ERN2: variants seen among roughly 807,000 people sequenced by gnomAD.
ERN2 encodes endoplasmic reticulum to nucleus signaling 2.
A neutral mutation model predicts 107.9 loss-of-function variants in ERN2; 111 were observed. The ratio of observed to expected loss-of-function variants is 1.03; its 90% CI spans 0.88 to 1.20. The LOEUF is 1.20. ERN2 is among the 50% of genes most tolerant of loss of function. The pLI, the probability that ERN2 is intolerant of heterozygous loss-of-function variation, is 0.00. For synonymous variants in ERN2, 524 were observed against 501.7 expected (o/e 1.04, Z -0.59); for missense variants, 1,225 against 1,197.9 (o/e 1.02, Z -0.33).
rs751356508 is a variant in ERN2 at position 23,702,115 on chromosome 16, C to T, written c.1203+37G>A. Reference sequence around the variant, plus strand: ...GGGCTATTCCCCCCATCTGCTGGGGCCTCCCTACCCCCACTCTCTCCCCTC... The same window carrying T: ...GGGCTATTCCCCCCATCTGCTGGGGTCTCCCTACCCCCACTCTCTCCCCTC... On this transcript the variant is annotated intron_variant, in intron 11 of 21. Coordinates refer to ENST00000256797, the MANE Select transcript of ERN2 (RefSeq NM_033266.4). 6 of 1,589,076 alleles carry T rather than the reference C, an allele frequency of 3.8e-6. 1 individual carries two copies. Among genetic ancestry groups the T allele is most frequent in the East Asian group, 2.2e-5 (1 of 44,780 alleles).
intron 13 of ERN2, chr16:23,697,206 AT>A (rs1959866685): frequency 1.3e-5 from 2 of 149,012 alleles, no homozygotes; most frequent in Admixed American, 1.3e-4. Flanking sequence ...AATAATAATA[AT>A]AATAATAAAA....
intron 11 of ERN2, 99 bp downstream of exon 11, chr16:23,702,053 C>T (rs1011911949): frequency 3.0e-5 from 39 of 1,284,344 alleles, no homozygotes; most frequent in Admixed American, 9.1e-5. Context: ...GACCCACCCC[C>T]GAGTGTTATT....
chr16:23,691,225 C>T lies in ERN2; in HGVS notation c.2501-29G>A, dbSNP rs747431425. The T allele has an allele frequency of 1.7e-5, 28 of 1,613,628 alleles. No individual in the cohort carries two copies. In the South Asian group the frequency reaches 2.0e-4, roughly 11 times the overall value. ...TGGACAGGGAATTCAGTGGCAAAACCGTCCCTGCTAGACTCCCCTCCACCG... is the reference window on the plus strand; with the variant it reads ...TGGACAGGGAATTCAGTGGCAAAACTGTCCCTGCTAGACTCCCCTCCACCG... On this transcript the variant is annotated intron_variant, in intron 20 of 21. Coordinates refer to ENST00000256797, the MANE Select transcript of ERN2 (RefSeq NM_033266.4).
At chr16:23,699,913 A>G (rs1351463726) in intron 13 of ERN2, among the ~76,000 whole-genome samples, 4 of 152,224 alleles carry the variant, frequency 2.6e-5, no homozygotes, top group Admixed American at 6.5e-5. Context: ...GAGATGATGT[A>G]ATGAACTGGA....
intron 1 of ERN2, 77 bp downstream of exon 1, chr16:23,713,018 C>T: frequency 8.4e-7 from 1 of 1,189,670 alleles, no homozygotes; most frequent in Non-Finnish European, 1.1e-6. Flanking sequence ...CCGCCGCGCC[C>T]TCGCCCCAAG....
rs765445838 is a variant in ERN2 at position 23,706,869 on chromosome 16, G to T, written c.380-8C>A. On this transcript the variant is annotated splice_polypyrimidine_tract_variant and splice_region_variant and intron_variant, in intron 5 of 21. Coordinates refer to ENST00000256797, the MANE Select transcript of ERN2 (RefSeq NM_033266.4). ...AGGCATCCTGCTTCCGGCCTGTGGA[G>T]GTGGAAAGTGTGTTAGCTCTCAAGT... is the stretch of plus-strand genomic sequence containing the variant. 1.9e-6 allele frequency: 3 copies of T among 1,610,224 alleles called. No individual in the cohort carries two copies. The highest frequency in any genetic ancestry group is 2.5e-6 in the Non-Finnish European group (3 of 1,176,522).
At chr16:23,711,515 C>A (rs1960539636) in intron 1 of ERN2, among the ~76,000 whole-genome samples, 1 of 151,000 alleles carries the variant, frequency 6.6e-6, no homozygotes, top group Admixed American at 6.6e-5. Flanking sequence ...TGTCATCACA[C>A]CTGGCTAATT....
chr16:23,701,399 G>C (rs567360566), intron 11 of ERN2, among the ~76,000 whole-genome samples: 1 of 152,306 alleles, frequency 6.6e-6, no homozygotes, highest in South Asian at 2.1e-4. Context: ...GATCCTAAAC[G>C]CGTTAGCGCT....
rs1229834700 is a variant in ERN2 at position 23,691,428 on chromosome 16, G to A, written c.2377-3C>T. On this transcript the variant is annotated splice_polypyrimidine_tract_variant and splice_region_variant and intron_variant, in intron 19 of 21. Coordinates refer to ENST00000256797, the MANE Select transcript of ERN2 (RefSeq NM_033266.4). ...TTCTCCAGCCAGTCACTGACGTCCTGGGGCCCAGAGAGCTCCTGAGCCTTG... is the reference window on the plus strand; with the variant it reads ...TTCTCCAGCCAGTCACTGACGTCCTAGGGCCCAGAGAGCTCCTGAGCCTTG... 6.3e-7 allele frequency: 1 copy of A among 1,598,282 alleles called. No homozygotes were observed. The highest frequency in any genetic ancestry group is 1.1e-5 in the South Asian group (1 of 90,780).
Position 23,710,121 on chromosome 16 carries a change from C to A in ERN2, c.306+51G>T, listed in dbSNP as rs375164270. On this transcript the variant is annotated intron_variant, in intron 4 of 21. Transcript: ENST00000256797. The stretch of plus-strand genomic sequence containing the variant: ...GCCTCTCCACCTCTCAGTGCTCCAG[C>A]TGACGAAAGCCCTGGCTCTCACCCA... 3 of 1,291,804 alleles carry A rather than the reference C, an allele frequency of 2.3e-6. No homozygotes were observed. The African/African-American group carries it at 4.4e-5, about 19-fold the overall frequency. The allele number at this position is 1,291,804 out of a possible 1,614,324, so 80.0% of individuals were successfully genotyped here. A position where few individuals can be genotyped will look rare whatever the true frequency, so the allele number is the denominator to read the frequency against.
At position 23,704,005 on chromosome 16, in the gene ERN2, A is replaced by G. The variant is rs370196964; in HGVS notation, c.854+878T>C. 7.1e-4 allele frequency among the ~76,000 whole-genome samples: 108 copies of G among 152,148 alleles called. 4 individuals carry two copies. In the East Asian group the frequency reaches 0.017, roughly 23 times the overall value. On this transcript the variant is annotated intron_variant, in intron 8 of 21. Transcript: ENST00000256797. ...CTGAGGCAGGAACAATGGCTGGGTT[A>G]TTTGCTATTGTACTCCCAGACTCTA...
chr16:23,711,024 AG>A lies in ERN2; in HGVS notation c.94-7del, dbSNP rs758360514. ...TCTGGCCTGAGAGTATGAACCTGCA[AG>A]GGGGTAGAGACAAAGTCAGCTCTCT... On this transcript the variant is annotated splice_region_variant and splice_polypyrimidine_tract_variant and intron_variant, in intron 1 of 21. Coordinates refer to ENST00000256797, the MANE Select transcript of ERN2 (RefSeq NM_033266.4). 1 of 1,604,550 alleles carries A rather than the reference AG, an allele frequency of 6.2e-7. No homozygotes were observed. The highest frequency in any genetic ancestry group is 1.3e-5 in the African/African-American group (1 of 74,734).
chr16:23,697,783 G>A (rs1959890402), intron 13 of ERN2, among the ~76,000 whole-genome samples: 1 of 152,012 alleles, frequency 6.6e-6, no homozygotes, highest in Admixed American at 6.5e-5. Context: ...TAGAAACAGG[G>A]GCTCACTCTG....
chr16:23,694,656 G>A, intron 17 of ERN2, 72 bp downstream of exon 17: 1 of 1,312,948 alleles, frequency 7.6e-7, no homozygotes, highest in South Asian at 1.4e-5. Context: ...CTCAGGAGGG[G>A]AACTGGGACA....
rs530630080 is a variant in ERN2 at position 23,709,658 on chromosome 16, C to A, written c.306+514G>T. ...TGCTAGGGATAAGAGACATATGGCCCAGCCACCTCTGCCAAAAGCCAACCA... is the reference window on the plus strand; with the variant it reads ...TGCTAGGGATAAGAGACATATGGCCAAGCCACCTCTGCCAAAAGCCAACCA... On this transcript the variant is annotated intron_variant, in intron 4 of 21. Coordinates refer to ENST00000256797, the MANE Select transcript of ERN2 (RefSeq NM_033266.4). 22 of 180,158 alleles carry A rather than the reference C, an allele frequency of 1.2e-4. No homozygotes were observed. The East Asian group carries it at 2.8e-3, about 23-fold the overall frequency. The allele number at this position is 180,158 out of a possible 1,614,324, so 11.2% of individuals were successfully genotyped here.
intron 13 of ERN2, among the ~76,000 whole-genome samples, chr16:23,697,982 T>C (rs1730928082): frequency 6.6e-6 from 1 of 152,160 alleles, no homozygotes. Flanking sequence ...CAGGCTGGGC[T>C]CAAGCAATCC....
At chr16:23,693,304 G>T (rs1189549898) in intron 17 of ERN2, among the ~76,000 whole-genome samples, 1 of 151,736 alleles carries the variant, frequency 6.6e-6, no homozygotes, top group Admixed American at 6.6e-5. Context: ...TATATATATA[G>T]GGCCAAGCAC....
intron 13 of ERN2, among the ~76,000 whole-genome samples, chr16:23,699,233 C>T (rs898105603): frequency 1.3e-5 from 2 of 152,146 alleles, no homozygotes; most frequent in African/African-American, 2.4e-5. Context: ...ACCACAGAGG[C>T]GGACATTGCG....
chr16:23,702,960 G>C (rs185341061), intron 8 of ERN2, among the ~76,000 whole-genome samples: 2 of 152,034 alleles, frequency 1.3e-5, no homozygotes, highest in Admixed American at 1.3e-4. Context: ...GCCTGCTGGG[G>C]TGTGAGAGAT....
Sources: allele counts gnomAD v4.1 joint callset (sites outside exome capture counted in the v4.1 genomes callset), GRCh38; gene constraint gnomAD v4.1.1; transcripts MANE v1.5; gene names NCBI Gene and HGNC (gene_info 2026-07-23, HGNC 2026-07-21).